The following ADAMTS17 variants were observed in gnomAD, a reference collection of about 807,000 sequenced individuals.
The protein encoded by ADAMTS17 is A disintegrin and metalloproteinase with thrombospondin motifs 17.
A neutral mutation model predicts 141.5 loss-of-function variants in ADAMTS17; 113 were observed. The observed-to-expected ratio is 0.80, with a 90% CI of 0.69 to 0.93. The LOEUF (loss-of-function observed/expected upper bound fraction) is 0.93, where lower values mean the gene tolerates loss of function less well. ADAMTS17 is among the 40% of genes least tolerant of loss of function. ADAMTS17 has a pLI of 0.00. For synonymous variants in ADAMTS17, 768 were observed against 630.6 expected (o/e 1.22, Z -3.27); for missense variants, 1,659 against 1,517.9 (o/e 1.09, Z -1.54).
intron 18 of ADAMTS17, among the ~76,000 whole-genome samples, chr15:100,021,730 A>G (rs1438781032): frequency 6.6e-6 from 1 of 152,236 alleles, no homozygotes; most frequent in Non-Finnish European, 1.5e-5. Flanking sequence ...ACTAAGAAAA[A>G]GAAGTACCAG....
At chr15:100,307,351 G>A (rs1208438796) in intron 3 of ADAMTS17, among the ~76,000 whole-genome samples, 1 of 152,176 alleles carries the variant, frequency 6.6e-6, no homozygotes, top group Non-Finnish European at 1.5e-5. Context: ...CACAAAAGCT[G>A]CAGCTGCCAG....
At position 100,249,132 on chromosome 15, in the gene ADAMTS17, C is replaced by G. The variant is rs1440443524; in HGVS notation, c.1075+5004G>C. ...ACTTTTTGAAAGCATGCCCATTCAT[C>G]TGCTCACTCAAATCCACCCAGTACA... On this transcript the variant is annotated intron_variant, in intron 7 of 21. Coordinates refer to ENST00000268070, the MANE Select transcript of ADAMTS17 (RefSeq NM_139057.4). Among the ~76,000 whole-genome samples, 3 of 152,132 alleles carry G rather than the reference C, an allele frequency of 2.0e-5. No homozygotes were observed. The East Asian group carries it at 5.8e-4, about 29-fold the overall frequency.
intron 13 of ADAMTS17, among the ~76,000 whole-genome samples, chr15:100,114,555 C>G (rs537678794): frequency 2.0e-4 from 30 of 152,334 alleles, no homozygotes; most frequent in East Asian, 9.6e-4. Context: ...CAGGACGTGT[C>G]GAGCTACCTG....
At position 99,987,714 on chromosome 15, in the gene ADAMTS17, CCCA is replaced by C. The variant is rs199688624; in HGVS notation, c.2949+5331_2949+5333del. On this transcript the variant is annotated intron_variant, in intron 20 of 21. Transcript: ENST00000268070. ...CTCCAGGGAGTAAGGACATGGGGTCCCCACCACCACCCTAGGGAAATGTATTCT... is the reference window on the plus strand; with the variant it reads ...CTCCAGGGAGTAAGGACATGGGGTCCCCACCACCCTAGGGAAATGTATTCT... 8.8e-3 allele frequency among the ~76,000 whole-genome samples: 1,339 copies of C among 152,252 alleles called. 21 individuals are homozygous for C. The highest frequency in any genetic ancestry group is 0.031 in the African/African-American group (1,271 of 41,524).
chr15:100,211,227 T>A (rs1251948099), intron 7 of ADAMTS17, among the ~76,000 whole-genome samples: 2 of 139,944 alleles, frequency 1.4e-5, no homozygotes, highest in Non-Finnish European at 3.0e-5. Context: ...ACCTGGGAGG[T>A]GGAGGTTGCA....
chr15:100,185,265 G>A (rs907552086), intron 8 of ADAMTS17, among the ~76,000 whole-genome samples: 1 of 152,136 alleles, frequency 6.6e-6, no homozygotes, highest in Admixed American at 6.5e-5. Context: ...GGAGTAGCTG[G>A]GATGAATTAA....
chr15:100,236,888 C>G (rs1424274165), intron 7 of ADAMTS17, among the ~76,000 whole-genome samples: 6 of 152,148 alleles, frequency 3.9e-5, no homozygotes, highest in Admixed American at 3.9e-4. Context: ...TCCCTCTCCT[C>G]TGCCCCCAAA....
intron 8 of ADAMTS17, among the ~76,000 whole-genome samples, chr15:100,170,889 G>A (rs1293252469): frequency 6.6e-6 from 1 of 152,166 alleles, no homozygotes; most frequent in East Asian, 1.9e-4. Context: ...GAGAAGGCCT[G>A]GCTGGTGGCA....
At chr15:100,270,716 T>G (rs940027765) in intron 4 of ADAMTS17, among the ~76,000 whole-genome samples, 3 of 130,498 alleles carry the variant, frequency 2.3e-5, no homozygotes, top group African/African-American at 5.7e-5. Flanking sequence ...CAAAGGCAGG[T>G]GATATGTAGG....
chr15:100,199,187 C>T, intron 8 of ADAMTS17, 131 bp downstream of exon 8: 3 of 841,828 alleles, frequency 3.6e-6, no homozygotes, highest in East Asian at 5.1e-5. Context: ...AGTGTACTGA[C>T]CTGGGTCCTT....
intron 8 of ADAMTS17, among the ~76,000 whole-genome samples, chr15:100,192,489 T>C (rs550252817): frequency 6.6e-6 from 1 of 152,260 alleles, no homozygotes; most frequent in African/African-American, 2.4e-5. Flanking sequence ...CCAGGATTTC[T>C]AAACAGTTAT....
chr15:100,199,310 ATACT>A lies in ADAMTS17; in HGVS notation c.1181+4_1181+7del, dbSNP rs1227984947. 1.9e-6 allele frequency: 3 copies of A among 1,612,720 alleles called. No individual in the cohort carries two copies. The highest frequency in any genetic ancestry group is 1.7e-5 in the Admixed American group (1 of 60,034). On this transcript the variant is annotated splice_donor_5th_base_variant and intron_variant, in intron 8 of 21. Coordinates refer to ENST00000268070, the MANE Select transcript of ADAMTS17 (RefSeq NM_139057.4). ...AGAAAACAGGACGACACAGAGTCTGATACTTACTTGTGGCCCAGCTCATGGGCGA... is the reference window on the plus strand; with the variant it reads ...AGAAAACAGGACGACACAGAGTCTGATACTTGTGGCCCAGCTCATGGGCGA...
intron 15 of ADAMTS17, among the ~76,000 whole-genome samples, chr15:100,075,522 T>C (rs748523285): frequency 1.8e-4 from 27 of 152,240 alleles, no homozygotes; most frequent in South Asian, 6.2e-4. Context: ...AATGTGACCG[T>C]GGAGAAGTCT....
At chr15:100,113,081 A>G (rs1347039782) in intron 13 of ADAMTS17, among the ~76,000 whole-genome samples, 1 of 152,120 alleles carries the variant, frequency 6.6e-6, no homozygotes, top group Admixed American at 6.5e-5. Context: ...TCCTGTTCCC[A>G]AAGCTGCCCA....
chr15:100,145,077 CTCA>C lies in ADAMTS17; in HGVS notation c.1473+7532_1473+7534del, dbSNP rs950517368. On this transcript the variant is annotated intron_variant, in intron 10 of 21. Coordinates refer to ENST00000268070, the MANE Select transcript of ADAMTS17 (RefSeq NM_139057.4). ...TCTGTCATATTTCATCATTTTTTGTCTCATAATATACTTAAAGTTCTAGAAAAT... is the reference window on the plus strand; with the variant it reads ...TCTGTCATATTTCATCATTTTTTGTCTAATATACTTAAAGTTCTAGAAAAT... Among the ~76,000 whole-genome samples the C allele has an allele frequency of 2.6e-4, 40 of 152,102 alleles. 2 individuals are homozygous for C.
At position 100,294,629 on chromosome 15, in the gene ADAMTS17, G is replaced by GC. The variant is rs561941370; in HGVS notation, c.617-13229dup. On this transcript the variant is annotated intron_variant, in intron 3 of 21. Coordinates refer to ENST00000268070, the MANE Select transcript of ADAMTS17 (RefSeq NM_139057.4). Reference sequence around the variant, plus strand: ...AGGCTGAGGTCGGAGGATCACTTGAGCCCAGAGACTGATGATGCATTGAGC... The same window carrying GC: ...AGGCTGAGGTCGGAGGATCACTTGAGCCCCAGAGACTGATGATGCATTGAGC... Among the ~76,000 whole-genome samples, 10 of 151,968 alleles carry GC rather than the reference G, an allele frequency of 6.6e-5. No homozygotes were observed. The East Asian group carries it at 1.9e-3, about 30-fold the overall frequency.
chr15:100,191,031 T>A (rs1293575640), intron 8 of ADAMTS17, among the ~76,000 whole-genome samples: 1 of 152,162 alleles, frequency 6.6e-6, no homozygotes, highest in Non-Finnish European at 1.5e-5. Flanking sequence ...ACCACTCAGT[T>A]GAGGCTGCCA....
chr15:100,043,570 A>G (rs2031439641), intron 18 of ADAMTS17, among the ~76,000 whole-genome samples: 1 of 152,242 alleles, frequency 6.6e-6, no homozygotes. Flanking sequence ...ACAGGCCAGC[A>G]AACTCTTACG....
chr15:99,981,597 GTGTT>G (rs2060483346), intron 20 of ADAMTS17, among the ~76,000 whole-genome samples: 3 of 152,212 alleles, frequency 2.0e-5, no homozygotes, highest in Non-Finnish European at 4.4e-5. Context: ...ATGCTTCCAT[GTGTT>G]AGGTGAGAAG....
Sources: gnomAD v4.1 joint callset for allele counts (sites outside exome capture counted in the v4.1 genomes callset) on GRCh38, gnomAD v4.1.1 for gene constraint, MANE v1.5 for transcripts, NCBI Gene and HGNC (gene_info 2026-07-23, HGNC 2026-07-21) for gene names.